SNTG1: variants seen among roughly 807,000 people sequenced by gnomAD.
The protein encoded by SNTG1 is syntrophin gamma 1.
SNTG1 carries 39 observed loss-of-function variants against 74.7 expected under a neutral mutation model. The observed-to-expected ratio is 0.52, with a 90% CI of 0.40 to 0.68. The LOEUF is 0.68. Among genes scored for constraint, SNTG1 ranks in the 30% least tolerant of loss-of-function variants. SNTG1 has a pLI of 0.00. For synonymous variants in SNTG1, 254 were observed against 217.1 expected (o/e 1.17, Z -1.49); for missense variants, 685 against 609.5 (o/e 1.12, Z -1.30).
intron 1 of SNTG1, among the ~76,000 whole-genome samples, chr8:50,063,465 T>G (rs1820645711): frequency 6.6e-6 from 1 of 152,198 alleles, no homozygotes; most frequent in Admixed American, 6.5e-5. Context: ...CATCAGGCCA[T>G]GAAATGAGAA....
intron 1 of SNTG1, among the ~76,000 whole-genome samples, chr8:50,087,823 C>T (rs1823043390): frequency 6.6e-6 from 1 of 150,804 alleles, no homozygotes; most frequent in Non-Finnish European, 1.5e-5. Flanking sequence ...GGTACATGTG[C>T]ACATTGTGCA....
intron 18 of SNTG1, among the ~76,000 whole-genome samples, chr8:50,780,880 G>T (rs569792537): frequency 2.0e-3 from 311 of 152,150 alleles, no homozygotes; most frequent in Non-Finnish European, 3.1e-3. Context: ...TTTGAATGTG[G>T]CCCAGAGATT....
intron 1 of SNTG1, among the ~76,000 whole-genome samples, chr8:50,021,976 GAAGAAGAAGAAA>G (rs1410701824): frequency 6.7e-6 from 1 of 150,234 alleles, no homozygotes; most frequent in African/African-American, 2.4e-5. Flanking sequence ...ATAAAAAGAA[GAAGAAGAAGAAA>G]AAGAAGGAAA....
chr8:50,489,620 T>A (rs1357771879), intron 8 of SNTG1, among the ~76,000 whole-genome samples: 1 of 152,122 alleles, frequency 6.6e-6, no homozygotes, highest in Non-Finnish European at 1.5e-5. Flanking sequence ...TTTGATGGAG[T>A]TGTTTGTTTT....
At chr8:50,114,819 C>T (rs1277839216) in intron 1 of SNTG1, among the ~76,000 whole-genome samples, 1 of 151,988 alleles carries the variant, frequency 6.6e-6, no homozygotes, top group East Asian at 1.9e-4. Flanking sequence ...GAGCCGAGAT[C>T]GTGCCAATGC....
intron 1 of SNTG1, among the ~76,000 whole-genome samples, chr8:49,917,581 A>G (rs1421244176): frequency 6.6e-6 from 1 of 152,182 alleles, no homozygotes; most frequent in Non-Finnish European, 1.5e-5. Context: ...GTTATGACTT[A>G]GCCTGTTAGA....
intron 1 of SNTG1, among the ~76,000 whole-genome samples, chr8:49,949,776 C>A (rs1189732378): frequency 6.6e-6 from 1 of 152,142 alleles, no homozygotes; most frequent in African/African-American, 2.4e-5. Context: ...ATTGAGCTAT[C>A]CTTCTCTAGT....
intron 12 of SNTG1, among the ~76,000 whole-genome samples, chr8:50,579,955 G>T (rs1302767576): frequency 6.6e-6 from 1 of 152,186 alleles, no homozygotes; most frequent in Non-Finnish European, 1.5e-5. Flanking sequence ...CCCCATAATG[G>T]TAGAACTACT....
chr8:50,251,748 A>T (rs2086656388), intron 2 of SNTG1, among the ~76,000 whole-genome samples: 1 of 152,058 alleles, frequency 6.6e-6, no homozygotes, highest in East Asian at 1.9e-4. Flanking sequence ...AGTTAGATAG[A>T]AATATAATAA....
intron 1 of SNTG1, among the ~76,000 whole-genome samples, chr8:50,105,086 T>C (rs907396784): frequency 6.6e-6 from 1 of 152,134 alleles, no homozygotes; most frequent in Admixed American, 6.6e-5. Flanking sequence ...TAGTTACTTT[T>C]GGCATCTGCA....
intron 17 of SNTG1, among the ~76,000 whole-genome samples, chr8:50,750,902 G>T (rs566572298): frequency 6.6e-6 from 1 of 151,986 alleles, no homozygotes; most frequent in African/African-American, 2.4e-5. Flanking sequence ...AGGTATGCCT[G>T]TATATACCCC....
At chr8:50,371,240 T>C (rs1298766534) in intron 2 of SNTG1, among the ~76,000 whole-genome samples, 2 of 152,186 alleles carry the variant, frequency 1.3e-5, no homozygotes, top group Non-Finnish European at 2.9e-5. Flanking sequence ...GAGCTGCCCA[T>C]CATTAACTGG....
intron 15 of SNTG1, among the ~76,000 whole-genome samples, chr8:50,685,689 A>T (rs1301033444): frequency 6.6e-6 from 1 of 152,186 alleles, no homozygotes; most frequent in Admixed American, 6.5e-5. Context: ...ATCTATAGAG[A>T]TCAGTATTTG....
chr8:50,219,719 TCCAATTACCTC>T, intron 2 of SNTG1, among the ~76,000 whole-genome samples: 1 of 152,068 alleles, frequency 6.6e-6, no homozygotes, highest in East Asian at 1.9e-4. Flanking sequence ...GTCGCCATGA[TCCAATTACCTC>T]CCACCACTCA....
chr8:50,551,721 T>C (rs1181724979), intron 11 of SNTG1, among the ~76,000 whole-genome samples: 2 of 152,196 alleles, frequency 1.3e-5, no homozygotes, highest in Non-Finnish European at 2.9e-5. Flanking sequence ...TTCAAAAAGA[T>C]GGACAATAGT....
chr8:50,201,672 G>A (rs912288731), intron 2 of SNTG1, among the ~76,000 whole-genome samples: 4 of 152,018 alleles, frequency 2.6e-5, no homozygotes, highest in African/African-American at 9.7e-5. Flanking sequence ...GGTGTTATGT[G>A]TCCTTGTAGC....
intron 1 of SNTG1, among the ~76,000 whole-genome samples, chr8:50,120,297 C>A (rs1586361568): frequency 7.1e-6 from 1 of 140,284 alleles, no homozygotes; most frequent in Non-Finnish European, 1.6e-5. Flanking sequence ...TCACTACTAT[C>A]ATCACTACCA....
chr8:50,196,790 C>T (rs2083785503), intron 2 of SNTG1, among the ~76,000 whole-genome samples: 1 of 147,350 alleles, frequency 6.8e-6, no homozygotes, highest in African/African-American at 2.5e-5. Flanking sequence ...AACTCCATCT[C>T]TACTAAAAAT....
intron 12 of SNTG1, 90 bp downstream of exon 12, chr8:50,553,269 G>A: frequency 1.3e-6 from 2 of 1,497,238 alleles, no homozygotes; most frequent in Non-Finnish European, 1.8e-6. Context: ...CAACTGTTTG[G>A]TGTTCTTCTC....
Sources: gnomAD v4.1 joint callset for allele counts (sites outside exome capture counted in the v4.1 genomes callset) on GRCh38, gnomAD v4.1.1 for gene constraint, MANE v1.5 for transcripts, NCBI Gene and HGNC (gene_info 2026-07-23, HGNC 2026-07-21) for gene names.